SV2C: variants seen among roughly 807,000 people sequenced by gnomAD.
The protein encoded by SV2C is synaptic vesicle glycoprotein 2C.
In SV2C, 49 loss-of-function variants were observed where a neutral mutation model predicts 79.7. The ratio of observed to expected loss-of-function variants is 0.61; its 90% CI spans 0.49 to 0.78. SV2C has a LOEUF of 0.78. Ranked by LOEUF, SV2C falls within the 30% of genes least tolerant of loss-of-function variation. The pLI is 0.00. For missense variants in SV2C, 833 were observed against 912.9 expected, an observed-to-expected ratio of 0.91 and a Z score of 1.13; for synonymous variants, 334 against 333.2, an observed-to-expected ratio of 1.00 and a Z score of -0.03.
the SV2C span, among the ~76,000 whole-genome samples, chr5:76,045,954 TA>T: frequency 6.6e-6 from 1 of 152,164 alleles, no homozygotes; most frequent in Non-Finnish European, 1.5e-5. Context: ...CAAATACTTT[TA>T]GAGCATCTAT....
intron 1 of SV2C, among the ~76,000 whole-genome samples, chr5:76,107,338 A>G (rs1747952011): frequency 6.6e-6 from 1 of 152,210 alleles, no homozygotes; most frequent in South Asian, 2.1e-4. Context: ...GTGTACAATA[A>G]TACCTGTTAA....
chr5:75,925,893 C>T, the SV2C span, among the ~76,000 whole-genome samples: 1 of 152,054 alleles, frequency 6.6e-6, no homozygotes, highest in African/African-American at 2.4e-5. Flanking sequence ...AGCTGGACAA[C>T]AAGTTAATCT....
At chr5:76,314,053 T>C (rs1460915905) in intron 12 of SV2C, among the ~76,000 whole-genome samples, 1 of 152,194 alleles carries the variant, frequency 6.6e-6, no homozygotes, top group Non-Finnish European at 1.5e-5. Flanking sequence ...CCAGACCTTA[T>C]GATGAGAGGA....
chr5:76,309,659 G>T, intron 12 of SV2C, among the ~76,000 whole-genome samples: 1 of 149,222 alleles, frequency 6.7e-6, no homozygotes, highest in East Asian at 2.0e-4. Context: ...AGGTTGGAAA[G>T]GGGAAAAGTC....
chr5:76,325,380 T>C lies in SV2C; in HGVS notation c.2017T>C (p.Phe673Leu). 15 of 1,614,186 alleles carry C rather than the reference T, an allele frequency of 9.3e-6. No individual in the cohort carries two copies. Among genetic ancestry groups the C allele is most frequent in the Non-Finnish European group, 1.3e-5 (15 of 1,180,014 alleles). Residue 673 changes from phenylalanine (F) to leucine (L), a missense_variant, in exon 13 of 13, where the codon TTC (phenylalanine) becomes CTC (leucine). Transcript: ENST00000502798. ...CCTTTGCAGGGCAACAGGCTTTGGC[T>C]TCTTAAATGCGCTATGCAAGGCAGC... ...PTDRRATGFGFLNALCKAAAV... is the reference protein window; with the variant it reads ...PTDRRATGFGLLNALCKAAAV...
intron 4 of SV2C, among the ~76,000 whole-genome samples, chr5:76,279,866 T>A (rs552744614): frequency 6.6e-6 from 1 of 152,180 alleles, no homozygotes; most frequent in South Asian, 2.1e-4. Context: ...GAGGAACAGA[T>A]ACTTACAGGA....
intron 4 of SV2C, among the ~76,000 whole-genome samples, chr5:76,251,780 A>G (rs769445145): frequency 1.3e-5 from 2 of 152,220 alleles, no homozygotes; most frequent in South Asian, 2.1e-4. Flanking sequence ...TCAGGAGACC[A>G]GGGTTTTGAG....
chr5:76,271,629 T>C (rs1350916025), intron 4 of SV2C, among the ~76,000 whole-genome samples: 2 of 147,518 alleles, frequency 1.4e-5, no homozygotes, highest in African/African-American at 2.5e-5. Flanking sequence ...TTTTTTTTTT[T>C]TTTTTTTTTT....
intron 12 of SV2C, among the ~76,000 whole-genome samples, chr5:76,348,493 T>C (rs949360799): frequency 6.6e-6 from 1 of 152,234 alleles, no homozygotes; most frequent in African/African-American, 2.4e-5. Context: ...ATATGTTTAG[T>C]TTGTAAGAAA....
chr5:76,291,688 T>G (rs1428569252), intron 7 of SV2C, 80 bp from the exon 8 acceptor site: 1 of 956,528 alleles, frequency 1.0e-6, no homozygotes, highest in Admixed American at 2.5e-5. Context: ...TCAGCATTTT[T>G]TATAATTTGG....
chr5:76,277,714 C>T (rs891979984), intron 4 of SV2C, among the ~76,000 whole-genome samples: 12 of 151,340 alleles, frequency 7.9e-5, no homozygotes, highest in African/African-American at 2.4e-4. Context: ...GCTGAGATCA[C>T]GCCACTGCAC....
chr5:75,887,749 A>G, the SV2C span, among the ~76,000 whole-genome samples: 2 of 152,032 alleles, frequency 1.3e-5, no homozygotes, highest in Non-Finnish European at 2.9e-5. Context: ...GAAAAAGCAA[A>G]AACAAAACAA....
the SV2C span, among the ~76,000 whole-genome samples, chr5:75,860,604 G>A: frequency 6.6e-6 from 1 of 152,146 alleles, no homozygotes; most frequent in Non-Finnish European, 1.5e-5. Context: ...AAACTCATAT[G>A]GAACCATAAA....
chr5:75,925,442 G>A, the SV2C span, among the ~76,000 whole-genome samples: 8,544 of 152,264 alleles, frequency 0.056, 684 homozygotes, highest in African/African-American at 0.18. Flanking sequence ...GAACGGGCCA[G>A]TACCATACAC....
At chr5:75,937,381 A>G in the SV2C span, among the ~76,000 whole-genome samples, 23 of 152,110 alleles carry the variant, frequency 1.5e-4, no homozygotes, top group African/African-American at 5.5e-4. Flanking sequence ...CTTTTTCATC[A>G]CAATCACTTT....
intron 4 of SV2C, among the ~76,000 whole-genome samples, chr5:76,236,367 A>C (rs2112410883): frequency 6.6e-6 from 1 of 152,260 alleles, no homozygotes; most frequent in African/African-American, 2.4e-5. Flanking sequence ...GTTGAAGGCC[A>C]GCCTGGTCAG....
At chr5:75,892,128 AC>A in the SV2C span, among the ~76,000 whole-genome samples, 1 of 151,622 alleles carries the variant, frequency 6.6e-6, no homozygotes, top group Non-Finnish European at 1.5e-5. Flanking sequence ...TTGCACTGAA[AC>A]TCCAGCTCTT....
At chr5:76,162,471 G>A (rs970629566) in intron 2 of SV2C, among the ~76,000 whole-genome samples, 12 of 152,168 alleles carry the variant, frequency 7.9e-5, no homozygotes, top group African/African-American at 2.7e-4. Context: ...AGAATCGGGA[G>A]CCCAGGTTTC....
chr5:76,081,283 C>CAATCCAT (rs1746983114), upstream of SV2C, among the ~76,000 whole-genome samples: 2 of 152,288 alleles, frequency 1.3e-5, no homozygotes, highest in South Asian at 4.1e-4. Context: ...CTTGGAGAAA[C>CAATCCAT]AATCCATTAT....
Sources: gnomAD v4.1 joint callset for allele counts (sites outside exome capture counted in the v4.1 genomes callset) on GRCh38, gnomAD v4.1.1 for gene constraint, MANE v1.5 for transcripts, NCBI Gene and HGNC (gene_info 2026-07-23, HGNC 2026-07-21) for gene names.